SH2D4A: variants seen among roughly 807,000 people sequenced by gnomAD.
SH2D4A encodes SH2 domain-containing protein 4A.
SH2D4A carries 70 observed loss-of-function variants against 64.7 expected under a neutral mutation model. The ratio of observed to expected loss-of-function variants is 1.08; its 90% confidence interval spans 0.89 to 1.32. SH2D4A has a LOEUF of 1.32. Among genes scored for constraint, SH2D4A ranks in the 40% most tolerant of loss-of-function variants. The pLI, the probability that SH2D4A is intolerant of heterozygous loss-of-function variation, is 0.00. For missense variants in SH2D4A, 706 were observed against 540.1 expected, an observed-to-expected ratio of 1.31 and a Z score of -3.04; for synonymous variants, 268 against 200.7, an observed-to-expected ratio of 1.34 and a Z score of -2.83.
At chr8:19,318,082 GT>G (rs1369192732) in intron 1 of SH2D4A, among the ~76,000 whole-genome samples, 1 of 151,694 alleles carries the variant, frequency 6.6e-6, no homozygotes, top group Non-Finnish European at 1.5e-5. Context: ...TGTATTTTTT[GT>G]TTTTTTAGTA....
At chr8:19,344,838 C>T (rs1223809063) in intron 4 of SH2D4A, among the ~76,000 whole-genome samples, 1 of 152,116 alleles carries the variant, frequency 6.6e-6, no homozygotes, top group South Asian at 2.1e-4. Flanking sequence ...TATAATGCCT[C>T]CCAGCAAGGT....
intron 2 of SH2D4A, among the ~76,000 whole-genome samples, chr8:19,320,591 T>G (rs1255149132): frequency 3.2e-5 from 4 of 125,576 alleles, no homozygotes; most frequent in African/African-American, 1.3e-4. Flanking sequence ...ACCTCTGCAC[T>G]CCACCCTGGG....
At chr8:19,365,408 T>G (rs1453082738) in intron 7 of SH2D4A, among the ~76,000 whole-genome samples, 1 of 152,128 alleles carries the variant, frequency 6.6e-6, no homozygotes, top group African/African-American at 2.4e-5. Context: ...AGAAATGTAG[T>G]CAGGAAATAG....
At chr8:19,391,642 G>T (rs1449543455) in intron 8 of SH2D4A, among the ~76,000 whole-genome samples, 1 of 152,188 alleles carries the variant, frequency 6.6e-6, no homozygotes, top group Non-Finnish European at 1.5e-5. Flanking sequence ...GACACCTGGG[G>T]TCTGTGTTCT....
At chr8:19,373,744 T>C (rs1271239216) in intron 8 of SH2D4A, 84 bp downstream of exon 8, 8 of 1,484,610 alleles carry the variant, frequency 5.4e-6, no homozygotes, top group Non-Finnish European at 6.3e-6. Flanking sequence ...GAATAAAAGC[T>C]TCCATTTATT....
rs1170661680 is a variant in SH2D4A, at chr8:19,395,286, G to GCTGGC, written c.*652_*656dup. 2 of 152,232 alleles carry GCTGGC rather than the reference G, an allele frequency of 1.3e-5. No homozygotes were observed. The highest frequency in any genetic ancestry group is 1.5e-5 in the Non-Finnish European group (1 of 68,070). 9.4% of individuals were successfully genotyped at this position (152,232 alleles called of 1,614,324 possible). A position where few individuals can be genotyped will look rare whatever the true frequency, so the allele number is the denominator to read the frequency against. On this transcript the variant is annotated 3_prime_UTR_variant, in exon 10 of 10. Coordinates refer to ENST00000265807, the MANE Select transcript of SH2D4A (RefSeq NM_022071.4). ...TCTTGTTCGGGAGAATGGGGCCGGG[G>GCTGGC]CTGGCCTGGCCTCCCCTGGATATAC...
At chr8:19,362,718 C>T (rs2052912007) in intron 6 of SH2D4A, among the ~76,000 whole-genome samples, 1 of 151,774 alleles carries the variant, frequency 6.6e-6, no homozygotes, top group Non-Finnish European at 1.5e-5. Flanking sequence ...TCAGCCTGGG[C>T]AATGTAGCAA....
intron 4 of SH2D4A, among the ~76,000 whole-genome samples, chr8:19,348,642 A>T (rs975878272): frequency 3.3e-5 from 5 of 152,252 alleles, no homozygotes; most frequent in African/African-American, 1.2e-4. Context: ...ACGTCTTTGA[A>T]AGAATAGAAA....
intron 8 of SH2D4A, among the ~76,000 whole-genome samples, chr8:19,374,547 AGGAAACTCCCAAACACATATCATG>A (rs964033392): frequency 2.0e-5 from 3 of 152,228 alleles, no homozygotes; most frequent in African/African-American, 7.2e-5. Context: ...ACCCACAAAA[AGGAAACTCCCAAACACATATCATG>A]GGAAACTCTT....
intron 4 of SH2D4A, among the ~76,000 whole-genome samples, chr8:19,347,110 T>A (rs2052625301): frequency 6.6e-6 from 1 of 152,220 alleles, no homozygotes; most frequent in Non-Finnish European, 1.5e-5. Flanking sequence ...GAGGAACCTC[T>A]GAAGTGATGC....
intron 7 of SH2D4A, among the ~76,000 whole-genome samples, chr8:19,373,256 T>A (rs1385537098): frequency 6.6e-6 from 1 of 151,734 alleles, no homozygotes; most frequent in Non-Finnish European, 1.5e-5. Flanking sequence ...CAGCCTCCTG[T>A]TAGCTGAGGT....
chr8:19,332,761 A>C (rs573588258), intron 2 of SH2D4A, among the ~76,000 whole-genome samples, 194 bp from the exon 3 acceptor site: 1 of 151,310 alleles, frequency 6.6e-6, no homozygotes, highest in African/African-American at 2.4e-5. Flanking sequence ...AAATATTTTC[A>C]CTGAAGCTGC....
At chr8:19,353,682 T>TC (rs1285799092) in intron 4 of SH2D4A, among the ~76,000 whole-genome samples, 1 of 146,244 alleles carries the variant, frequency 6.8e-6, no homozygotes, top group East Asian at 2.0e-4. Context: ...CTGTTTTTTT[T>TC]TTTTTTTTTT....
chr8:19,344,013 C>T (rs2052571424), intron 4 of SH2D4A, among the ~76,000 whole-genome samples: 1 of 152,124 alleles, frequency 6.6e-6, no homozygotes, highest in Admixed American at 6.5e-5. Context: ...AGGGAGAATG[C>T]AGGGGAACAG....
intron 2 of SH2D4A, among the ~76,000 whole-genome samples, chr8:19,322,612 C>G (rs1469729555): frequency 7.9e-6 from 1 of 126,796 alleles, no homozygotes; most frequent in Non-Finnish European, 1.6e-5. Flanking sequence ...GTCTATTATT[C>G]TTTTTTTTTT....
intron 4 of SH2D4A, among the ~76,000 whole-genome samples, chr8:19,344,110 G>T (rs934946051): frequency 3.3e-5 from 5 of 152,140 alleles, no homozygotes; most frequent in African/African-American, 9.7e-5. Context: ...GAAGAGTCAG[G>T]CTTGTTCCAT....
chr8:19,337,365 T>A (rs1030561680), intron 4 of SH2D4A, among the ~76,000 whole-genome samples: 2 of 152,228 alleles, frequency 1.3e-5, no homozygotes, highest in Non-Finnish European at 2.9e-5. Context: ...TATAGTGGTC[T>A]GAATATTTAT....
intron 8 of SH2D4A, among the ~76,000 whole-genome samples, chr8:19,380,172 ATCT>A (rs1308262333): frequency 6.6e-6 from 1 of 152,098 alleles, no homozygotes; most frequent in Non-Finnish European, 1.5e-5. Context: ...CCATTTGTAT[ATCT>A]TCTTTGACAA....
chr8:19,335,160 C>T (rs543124456), intron 4 of SH2D4A, among the ~76,000 whole-genome samples: 30 of 152,018 alleles, frequency 2.0e-4, no homozygotes, highest in South Asian at 4.2e-4. Context: ...TGGTGGCGGG[C>T]GCCTGCAGTC....
Sources: allele counts gnomAD v4.1 joint callset (sites outside exome capture counted in the v4.1 genomes callset), GRCh38; gene constraint gnomAD v4.1.1; transcripts MANE v1.5; gene names NCBI Gene and HGNC (gene_info 2026-07-23, HGNC 2026-07-21).